Variants in ZBTB20 observed in about 807,000 individuals in gnomAD.
The protein encoded by ZBTB20 is zinc finger and BTB domain containing 20.
ZBTB20 carries 9 observed loss-of-function variants against 56.9 expected under a neutral mutation model. The ratio of observed to expected loss-of-function variants is 0.16; its 90% CI spans 0.10 to 0.28. ZBTB20 has a LOEUF of 0.28. Ranked by LOEUF, ZBTB20 falls within the 10% of genes least tolerant of loss-of-function variation. The pLI, the probability that ZBTB20 is intolerant of heterozygous loss-of-function variation, is 1.00. For missense variants in ZBTB20, 655 were observed against 1,003.0 expected, an observed-to-expected ratio of 0.65 and a Z score of 4.69; for synonymous variants, 417 against 420.7, an observed-to-expected ratio of 0.99 and a Z score of 0.11.
intron 6 of ZBTB20, among the ~76,000 whole-genome samples, chr3:114,584,820 G>GT (rs979203765): frequency 3.3e-5 from 5 of 152,136 alleles, no homozygotes; most frequent in Admixed American, 2.0e-4. Flanking sequence ...GAGAATGCAA[G>GT]TTTTTTGCGT....
At chr3:114,949,560 G>C (rs1408798239) in intron 3 of ZBTB20, among the ~76,000 whole-genome samples, 1 of 146,010 alleles carries the variant, frequency 6.8e-6, no homozygotes, top group African/African-American at 2.8e-5. Context: ...CTGAGGTCGG[G>C]AGTTTGAGAC....
intron 6 of ZBTB20, among the ~76,000 whole-genome samples, chr3:114,562,763 T>C (rs2052239026): frequency 6.6e-6 from 1 of 152,142 alleles, no homozygotes; most frequent in Admixed American, 6.6e-5. Flanking sequence ...TTCAAAATTA[T>C]GTCTCAGGGA....
chr3:114,430,482 T>G (rs1287390712), intron 7 of ZBTB20, among the ~76,000 whole-genome samples: 1 of 152,202 alleles, frequency 6.6e-6, no homozygotes, highest in Non-Finnish European at 1.5e-5. Context: ...CTGGCAGTCT[T>G]TTTATTGGAT....
At chr3:114,794,626 A>G (rs1440452767) in intron 5 of ZBTB20, among the ~76,000 whole-genome samples, 1 of 152,124 alleles carries the variant, frequency 6.6e-6, no homozygotes, top group Non-Finnish European at 1.5e-5. Context: ...TTTAGAGCTT[A>G]AGCTACTTCT....
At chr3:114,525,203 A>G (rs949233996) in intron 6 of ZBTB20, among the ~76,000 whole-genome samples, 4 of 152,044 alleles carry the variant, frequency 2.6e-5, no homozygotes, top group African/African-American at 9.7e-5. Context: ...TATAAATTTC[A>G]TAAGGGGAAA....
chr3:115,116,137 C>G (rs1250593054), intron 1 of ZBTB20, among the ~76,000 whole-genome samples: 1 of 151,904 alleles, frequency 6.6e-6, no homozygotes, highest in African/African-American at 2.4e-5. Flanking sequence ...TGTCACTAAT[C>G]TGTGACTCCA....
intron 1 of ZBTB20, among the ~76,000 whole-genome samples, chr3:115,076,679 T>C (rs2082607394): frequency 6.6e-6 from 1 of 151,836 alleles, no homozygotes; most frequent in Non-Finnish European, 1.5e-5. Context: ...GCAACAAAAA[T>C]AAAAATAAAC....
intron 3 of ZBTB20, among the ~76,000 whole-genome samples, chr3:114,947,149 C>T (rs1477040894): frequency 6.9e-6 from 1 of 145,286 alleles, no homozygotes; most frequent in Non-Finnish European, 1.5e-5. Context: ...CTTAAAAAGA[C>T]CAAAAACAGC....
chr3:114,339,456 G>A lies in ZBTB20; in HGVS notation c.1805-30C>T. On this transcript the variant is annotated intron_variant, in intron 11 of 11. Coordinates refer to ENST00000675478, the MANE Select transcript of ZBTB20 (RefSeq NM_001348800.3). The surrounding 1 kb of genome is among the most constrained non-coding windows in gnomAD (Gnocchi z 4.2). Reference sequence around the variant, plus strand: ...TGATGTAGGAAGAGACAGCAAGCAGGACAGAGCGAGACATAGCAAGGGATA... The same window carrying A: ...TGATGTAGGAAGAGACAGCAAGCAGAACAGAGCGAGACATAGCAAGGGATA... The A allele has an allele frequency of 6.3e-7, 1 of 1,590,676 alleles. No homozygotes were observed. The highest frequency in any genetic ancestry group is 8.6e-7 in the Non-Finnish European group (1 of 1,163,906).
chr3:115,068,626 C>T (rs536732536), intron 2 of ZBTB20, among the ~76,000 whole-genome samples: 28 of 152,080 alleles, frequency 1.8e-4, no homozygotes, highest in Non-Finnish European at 3.4e-4. Flanking sequence ...AAAAGCTTCA[C>T]GACAGGTAAA....
intron 7 of ZBTB20, among the ~76,000 whole-genome samples, chr3:114,460,103 T>G (rs1192333603): frequency 6.6e-6 from 1 of 152,144 alleles, no homozygotes; most frequent in East Asian, 1.9e-4. Flanking sequence ...AGTCTGTCTG[T>G]CCCTGGTTCC....
intron 4 of ZBTB20, among the ~76,000 whole-genome samples, chr3:114,836,557 G>A (rs564156566): frequency 1.3e-5 from 2 of 152,210 alleles, no homozygotes; most frequent in South Asian, 4.2e-4. Flanking sequence ...TAATCTAACT[G>A]TACTTCTCTC....
intron 3 of ZBTB20, among the ~76,000 whole-genome samples, chr3:114,946,324 C>T (rs929421889): frequency 6.9e-6 from 1 of 145,110 alleles, no homozygotes; most frequent in African/African-American, 2.8e-5. Flanking sequence ...CTTCTCTGAC[C>T]GTAATTGAAT....
intron 1 of ZBTB20, among the ~76,000 whole-genome samples, chr3:115,089,344 T>C (rs1181452643): frequency 6.6e-6 from 1 of 151,840 alleles, no homozygotes; most frequent in African/African-American, 2.4e-5. Context: ...AGCAAAGGCA[T>C]GGTGGTTAAG....
chr3:114,848,622 C>T (rs1343037331), intron 4 of ZBTB20, among the ~76,000 whole-genome samples: 1 of 152,164 alleles, frequency 6.6e-6, no homozygotes, highest in African/African-American at 2.4e-5. Context: ...CTGCTCAAGA[C>T]AAGTCATTCC....
At chr3:115,128,262 GTTTGA>G (rs1050186151) in intron 1 of ZBTB20, among the ~76,000 whole-genome samples, 8 of 152,230 alleles carry the variant, frequency 5.3e-5, no homozygotes, top group East Asian at 3.9e-4. Flanking sequence ...GTGAAAACGG[GTTTGA>G]TTTATTACAA....
At chr3:114,502,252 A>C in intron 6 of ZBTB20, among the ~76,000 whole-genome samples, 1 of 152,238 alleles carries the variant, frequency 6.6e-6, no homozygotes, top group East Asian at 1.9e-4. Flanking sequence ...AAGGAGATCA[A>C]GTAGAAGGAC....
intron 1 of ZBTB20, among the ~76,000 whole-genome samples, chr3:115,136,418 A>G (rs1387715610): frequency 6.6e-6 from 1 of 151,954 alleles, no homozygotes; most frequent in Non-Finnish European, 1.5e-5. Flanking sequence ...GCTAAGGACT[A>G]AAGCTATAAA....
At chr3:114,714,934 C>T (rs543390812) in intron 5 of ZBTB20, among the ~76,000 whole-genome samples, 1 of 152,322 alleles carries the variant, frequency 6.6e-6, no homozygotes, top group South Asian at 2.1e-4. Context: ...TGTTCTCACA[C>T]CACTATAAAA....
Sources: gnomAD v4.1 joint callset for allele counts (sites outside exome capture counted in the v4.1 genomes callset) on GRCh38, gnomAD v4.1.1 for gene constraint, Gnocchi (gnomAD v3.1) non-coding constraint, MANE v1.5 for transcripts, NCBI Gene and HGNC (gene_info 2026-07-23, HGNC 2026-07-21) for gene names.